The following SCN1A variants were observed in gnomAD, a reference collection of about 807,000 sequenced individuals.
SCN1A encodes sodium channel protein type 1 subunit alpha.
SCN1A carries 13 observed loss-of-function variants against 193.7 expected under a neutral mutation model. The observed-to-expected ratio is 0.07, with a 90% confidence interval of 0.04 to 0.11. The LOEUF is 0.11. Among genes scored for constraint, SCN1A ranks in the 10% least tolerant of loss-of-function variants. SCN1A has a pLI of 1.00. For missense variants in SCN1A, 1,432 were observed against 2,451.1 expected (o/e 0.58, Z 8.78); for synonymous variants, 781 against 843.6 (o/e 0.93, Z 1.29).
At chr2:166,022,797 C>A (rs1694239682) in intron 19 of SCN1A, among the ~76,000 whole-genome samples, 1 of 152,004 alleles carries the variant, frequency 6.6e-6, no homozygotes, top group African/African-American at 2.4e-5. Context: ...TGTTAAGTAC[C>A]AACAACCAGG....
chr2:166,015,757 GT>G (rs765993779), intron 19 of SCN1A, 30 bp from the exon 20 acceptor site: 1 of 1,611,724 alleles, frequency 6.2e-7, no homozygotes, highest in South Asian at 1.1e-5. Flanking sequence ...AGAAAGTAAA[GT>G]CCTTTAATTT....
downstream of SCN1A, chr2:165,985,399 A>G (rs1357832803): frequency 6.6e-6 from 1 of 151,778 alleles, no homozygotes; most frequent in African/African-American, 2.4e-5. Flanking sequence ...AGAAAAAGGA[A>G]GGAAAAAGGA....
At chr2:166,014,767 AAAG>A in intron 20 of SCN1A, among the ~76,000 whole-genome samples, 1 of 151,668 alleles carries the variant, frequency 6.6e-6, no homozygotes, top group East Asian at 1.9e-4. Context: ...GAATGGAGGA[AAAG>A]AAGAGAAAAA....
At chr2:166,078,778 T>A (rs1322624560) in intron 2 of SCN1A, among the ~76,000 whole-genome samples, 1 of 151,522 alleles carries the variant, frequency 6.6e-6, no homozygotes, top group Non-Finnish European at 1.5e-5. Flanking sequence ...ACTAGAGAAA[T>A]CTATTTGAGA....
At chr2:166,132,575 T>G (rs1263289566), upstream of SCN1A, among the ~76,000 whole-genome samples, 1 of 152,180 alleles carries the variant, frequency 6.6e-6, no homozygotes. Flanking sequence ...AATGTGAAAT[T>G]TATTTGCTAT....
In SCN1A at chr2:166,046,964, C is replaced by T. The variant is rs121917988; in HGVS notation, c.1183G>A (p.Ala395Thr). 1.2e-6 allele frequency: 2 copies of T among 1,613,732 alleles called. No individual in the cohort carries two copies. The highest frequency in any genetic ancestry group is 1.7e-4 in the Middle Eastern group (1 of 6,060). Reference sequence around the variant, plus strand: ...AAAAATATCATGTACGTTTTCCCAGCAGCACGTAATGTCTGCAAACAAAAA... The same window carrying T: ...AAAAATATCATGTACGTTTTCCCAGTAGCACGTAATGTCTGCAAACAAAAA... Reference protein sequence around the residue: ...ENLYQLTLRAAGKTYMIFFVL... With the variant: ...ENLYQLTLRATGKTYMIFFVL... The change falls in exon 12 of 29, where the codon GCT (alanine) becomes ACT (threonine). Residue 395 changes from alanine to threonine, a missense_variant. By Grantham distance (58) the Ala-to-Thr change is moderately conservative. Transcript: ENST00000674923.
chr2:165,994,129 C>T lies in SCN1A; in HGVS notation c.4852+17G>A, dbSNP rs562963222. The T allele has an allele frequency of 2.5e-5, 39 of 1,576,252 alleles. No homozygotes were observed. The highest frequency in any genetic ancestry group is 2.3e-4 in the East Asian group (10 of 43,998). ...ACTTTTATTTAACTGAATTTAAGAA[C>T]TTTAAATATTTCTTACCTACAATGG... On this transcript the variant is annotated intron_variant, in intron 28 of 28. Coordinates refer to ENST00000674923, the MANE Select transcript of SCN1A (RefSeq NM_001165963.4).
chr2:166,144,883 A>C (rs111707623), intron 1 of SCN1A, among the ~76,000 whole-genome samples: 1 of 147,356 alleles, frequency 6.8e-6, no homozygotes, highest in Non-Finnish European at 1.5e-5. Flanking sequence ...ACAGAGTCTC[A>C]CTCTGTCGCC....
intron 4 of SCN1A, among the ~76,000 whole-genome samples, chr2:166,072,676 T>G (rs1438916532): frequency 6.6e-6 from 1 of 152,102 alleles, no homozygotes; most frequent in East Asian, 1.9e-4. Context: ...TCTTTATAAC[T>G]CATGATTTTG....
Position 166,136,727 on chromosome 2 carries a change from G to A in SCN1A, c.-50+12320C>T, listed in dbSNP as rs369601357. Among the ~76,000 whole-genome samples the A allele has an allele frequency of 5.1e-4, 77 of 152,312 alleles. 1 individual carries two copies. The South Asian group carries it at 9.8e-3, about 19-fold the overall frequency. On this transcript the variant is annotated intron_variant, in intron 1 of 26. Transcript: ENST00000635750. ...AAGTGGGTTAAGATGGTTGATGAGT[G>A]CCCAGGAACTAGCAATAGAGAGAGC...
chr2:166,058,527 A>C (rs765208441), intron 5 of SCN1A, 43 bp downstream of exon 5: 6 of 1,127,992 alleles, frequency 5.3e-6, no homozygotes, highest in Non-Finnish European at 8.1e-6. Flanking sequence ...GTGCTTACAG[A>C]TCATGTACAA....
intron 2 of SCN1A, among the ~76,000 whole-genome samples, chr2:166,096,031 T>C (rs544696715): frequency 6.6e-6 from 1 of 152,346 alleles, no homozygotes; most frequent in East Asian, 1.9e-4. Context: ...GAATTCATAA[T>C]GTCCCACTCC....
chr2:166,041,175 A>T, intron 16 of SCN1A, 56 bp downstream of exon 16: 1 of 1,251,528 alleles, frequency 8.0e-7, no homozygotes, highest in Non-Finnish European at 1.2e-6. Context: ...AAATGTAAAC[A>T]GTTTTTCAAG....
intron 21 of SCN1A, 118 bp downstream of exon 21, chr2:166,013,626 G>A: frequency 2.4e-6 from 2 of 845,912 alleles, no homozygotes; most frequent in East Asian, 2.6e-5. Flanking sequence ...GAAGATACAA[G>A]GTGGGATAAT....
rs2105425108 is a variant in SCN1A, at chr2:165,991,640, T to C, written c.5635A>G (p.Ser1879Gly). 6.2e-7 allele frequency: 1 copy of C among 1,613,870 alleles called. No individual in the cohort carries two copies. Among genetic ancestry groups the C allele is most frequent in the Non-Finnish European group, 8.5e-7 (1 of 1,179,892 alleles). The change falls in exon 29 of 29, where the codon AGT (serine) becomes GGT (glycine). Residue 1879 changes from serine to glycine, a missense_variant. Physicochemically the swap from Ser to Gly is moderately conservative, Grantham distance 56 (BLOSUM62 0). Transcript: ENST00000674923. Reference sequence around the variant, plus strand: ...ATTCGTAGAGCATCCATCTCTCCACTCTCTCCTAGAACCCGCTTTGTAAAA... The same window carrying C: ...ATTCGTAGAGCATCCATCTCTCCACCCTCTCCTAGAACCCGCTTTGTAAAA... The part of the protein sequence containing the change: ...FAFTKRVLGE[S>G]GEMDALRIQM...
chr2:166,022,242 T>C (rs1694171344), intron 19 of SCN1A, among the ~76,000 whole-genome samples: 2 of 151,892 alleles, frequency 1.3e-5, no homozygotes, highest in African/African-American at 4.8e-5. Flanking sequence ...TGAATTTCAG[T>C]GGAAAAAAGG....
At chr2:166,022,388 T>TG (rs1457131826) in intron 19 of SCN1A, among the ~76,000 whole-genome samples, 1 of 148,484 alleles carries the variant, frequency 6.7e-6, no homozygotes, top group Non-Finnish European at 1.5e-5. Context: ...AGTAACTAGG[T>TG]GGGGGGCGGG....
intron 2 of SCN1A, among the ~76,000 whole-genome samples, chr2:166,101,925 G>A (rs1415458901): frequency 6.6e-6 from 1 of 152,124 alleles, no homozygotes; most frequent in Non-Finnish European, 1.5e-5. Flanking sequence ...ACTATCAATA[G>A]AGTAAACAGA....
rs1361882748 is a variant in SCN1A, at chr2:165,988,513, T to C, written c.*2732A>G. 1.3e-5 allele frequency: 2 copies of C among 151,908 alleles called. No individual in the cohort carries two copies. The highest frequency in any genetic ancestry group is 1.9e-4 in the East Asian group (1 of 5,172). The allele number at this position is 151,908 out of a possible 1,614,324, so 9.4% of individuals were successfully genotyped here. Reference sequence around the variant, plus strand: ...CTGACCCCAGAGAAAGTAGCTTCAGTTGTATGAGGGGCAGTCTGATTGGAG... The same window carrying C: ...CTGACCCCAGAGAAAGTAGCTTCAGCTGTATGAGGGGCAGTCTGATTGGAG... On this transcript the variant is annotated 3_prime_UTR_variant, in exon 29 of 29. Transcript: ENST00000674923.
Sources: gnomAD v4.1 joint callset for allele counts (sites outside exome capture counted in the v4.1 genomes callset) on GRCh38, gnomAD v4.1.1 for gene constraint, MANE v1.5 for transcripts, NCBI Gene and HGNC (gene_info 2026-07-23, HGNC 2026-07-21) for gene names.